Variants in ENTHD1 observed in about 807,000 individuals in gnomAD.
ENTHD1 encodes the protein ENTH domain containing 1, also known as ENTH domain-containing protein 1.
Under a neutral mutation model 39.1 loss-of-function variants are expected in ENTHD1, and 23 were observed. The ratio of observed to expected loss-of-function variants is 0.59; its 90% CI spans 0.42 to 0.83. The LOEUF (loss-of-function observed/expected upper bound fraction) is 0.83. ENTHD1 is among the 40% of genes least tolerant of loss of function. The pLI, the probability that ENTHD1 is intolerant of heterozygous loss-of-function variation, is 0.00. For missense variants in ENTHD1, 624 were observed against 705.4 expected (o/e 0.88, Z 1.31); for synonymous variants, 230 against 258.2 (o/e 0.89, Z 1.05).
At chr22:39,812,015 C>CAAACA (rs34682266) in intron 5 of ENTHD1, among the ~76,000 whole-genome samples, 3 of 123,348 alleles carry the variant, frequency 2.4e-5, no homozygotes, top group South Asian at 2.4e-4. Context: ...AACAAACAAA[C>CAAACA]AAAAAAAAAA....
At chr22:39,771,516 G>A (rs940623058) in intron 5 of ENTHD1, among the ~76,000 whole-genome samples, 1 of 152,074 alleles carries the variant, frequency 6.6e-6, no homozygotes, top group Admixed American at 6.5e-5. Flanking sequence ...AAAACTCAGA[G>A]AAAACCATAC....
chr22:39,888,433 ATT>A (rs889310416), intron 1 of ENTHD1, among the ~76,000 whole-genome samples: 1 of 143,306 alleles, frequency 7.0e-6, no homozygotes, highest in Non-Finnish European at 1.5e-5. Context: ...ATGCCTGGCT[ATT>A]TTTTTTTTTG....
chr22:39,769,793 A>T (rs2065307653), intron 5 of ENTHD1, among the ~76,000 whole-genome samples: 1 of 152,164 alleles, frequency 6.6e-6, no homozygotes, highest in Admixed American at 6.5e-5. Flanking sequence ...GGGGAAATAG[A>T]ACAGAAGAGA....
At chr22:39,769,331 G>A (rs75953805) in intron 5 of ENTHD1, among the ~76,000 whole-genome samples, 8,721 of 152,104 alleles carry the variant, frequency 0.057, 345 homozygotes, top group South Asian at 0.12. Context: ...ACGAGGGACC[G>A]GGAAATTTAA....
chr22:39,825,220 T>A (rs968417116), intron 4 of ENTHD1, among the ~76,000 whole-genome samples: 5 of 152,220 alleles, frequency 3.3e-5, no homozygotes, highest in Admixed American at 3.3e-4. Flanking sequence ...TGCCTAAGTA[T>A]TTAAATTTAT....
chr22:39,744,474 G>A (rs549842809), intron 6 of ENTHD1, among the ~76,000 whole-genome samples, 191 bp from the exon 7 acceptor site: 15 of 152,204 alleles, frequency 9.9e-5, no homozygotes, highest in African/African-American at 3.1e-4. Flanking sequence ...ATCTACAGAT[G>A]TATTATATAT....
chr22:39,794,519 T>C (rs1377511766), intron 5 of ENTHD1, among the ~76,000 whole-genome samples: 5 of 152,138 alleles, frequency 3.3e-5, no homozygotes, highest in Non-Finnish European at 7.4e-5. Context: ...AGTGGCATCC[T>C]TGGCCGGGCG....
chr22:39,788,725 C>T (rs2146596857), intron 5 of ENTHD1, among the ~76,000 whole-genome samples: 1 of 152,048 alleles, frequency 6.6e-6, no homozygotes, highest in South Asian at 2.1e-4. Flanking sequence ...AATGACCTGG[C>T]AAACTTCATC....
In ENTHD1 at chr22:39,887,544, G is replaced by T; in HGVS notation, c.205C>A (p.Arg69Ser). 5 of 1,614,072 alleles carry T rather than the reference G, an allele frequency of 3.1e-6. No individual in the cohort carries two copies. Among genetic ancestry groups the T allele is most frequent in the Non-Finnish European group, 4.2e-6 (5 of 1,180,018 alleles). ...HRLNDHGKNW[R>S]HVYKSLTLMD... ...AGGGTAAGGGATTTATACACGTGGC[G>T]CCAGTTCTTCCCATGGTCATTGAGT... Residue 69 changes from arginine to serine, a missense_variant, in exon 2 of 7, where the codon CGC becomes AGC. Transcript: ENST00000325157.
chr22:39,875,544 T>C (rs1278728135), intron 2 of ENTHD1: 12 of 1,611,114 alleles, frequency 7.4e-6, no homozygotes, highest in Non-Finnish European at 9.3e-6. Flanking sequence ...GACGTCAAGG[T>C]GCCTGACTTC....
intron 5 of ENTHD1, among the ~76,000 whole-genome samples, chr22:39,784,578 AC>A (rs1569138907): frequency 5.9e-5 from 9 of 151,346 alleles, no homozygotes; most frequent in African/African-American, 2.2e-4. Context: ...ACACACACAC[AC>A]ACACTAGAAT....
intron 5 of ENTHD1, among the ~76,000 whole-genome samples, chr22:39,813,134 C>G (rs1384614845): frequency 6.6e-6 from 1 of 152,150 alleles, no homozygotes; most frequent in Non-Finnish European, 1.5e-5. Context: ...GCTTCGCCTT[C>G]CCTTCCTGCA....
At chr22:39,801,292 T>C (rs1379718860) in intron 5 of ENTHD1, among the ~76,000 whole-genome samples, 2 of 152,228 alleles carry the variant, frequency 1.3e-5, no homozygotes, top group Non-Finnish European at 2.9e-5. Context: ...CTGTAATTGC[T>C]GTAGTAATTG....
intron 6 of ENTHD1, among the ~76,000 whole-genome samples, chr22:39,764,659 C>A (rs2065260538): frequency 6.6e-6 from 1 of 151,498 alleles, no homozygotes; most frequent in Admixed American, 6.6e-5. Flanking sequence ...AACCTGAAAT[C>A]TCAACTGGCT....
At chr22:39,801,283 TGTAATTGCTGTA>T (rs1402946902) in intron 5 of ENTHD1, among the ~76,000 whole-genome samples, 13 of 152,274 alleles carry the variant, frequency 8.5e-5, no homozygotes, top group South Asian at 2.1e-4. Flanking sequence ...GGCTGAGCTC[TGTAATTGCTGTA>T]GTAATTGCTG....
At chr22:39,821,529 C>G (rs765035852) in intron 4 of ENTHD1, among the ~76,000 whole-genome samples, 3 of 152,314 alleles carry the variant, frequency 2.0e-5, no homozygotes, top group Non-Finnish European at 4.4e-5. Flanking sequence ...TCAATCCAAT[C>G]ATGCAGGTTA....
chr22:39,882,627 T>C (rs1196945079), intron 2 of ENTHD1, among the ~76,000 whole-genome samples: 1 of 152,214 alleles, frequency 6.6e-6, no homozygotes, highest in Non-Finnish European at 1.5e-5. Flanking sequence ...TGCATGCATA[T>C]ATCCTCAATA....
chr22:39,780,783 G>A (rs1296846803), intron 5 of ENTHD1, among the ~76,000 whole-genome samples: 2 of 152,196 alleles, frequency 1.3e-5, no homozygotes, highest in African/African-American at 2.4e-5. Context: ...CACATCATGA[G>A]GTCAGGAGAT....
chr22:39,828,454 A>G (rs1406429266), intron 4 of ENTHD1, among the ~76,000 whole-genome samples: 1 of 152,256 alleles, frequency 6.6e-6, no homozygotes, highest in East Asian at 1.9e-4. Flanking sequence ...TGGTGAGATC[A>G]AATTTTAGGA....
Sources: allele counts gnomAD v4.1 joint callset (sites outside exome capture counted in the v4.1 genomes callset), GRCh38; gene constraint gnomAD v4.1.1; transcripts MANE v1.5; gene names NCBI Gene and HGNC (gene_info 2026-07-23, HGNC 2026-07-21).